MAST4: variants seen among roughly 807,000 people sequenced by gnomAD.
The protein encoded by MAST4 is microtubule-associated serine/threonine-protein kinase 4.
MAST4 carries 89 observed loss-of-function variants against 162.7 expected under a neutral mutation model. The observed-to-expected ratio is 0.55, with a 90% CI of 0.46 to 0.65. MAST4 has a LOEUF of 0.65. MAST4 is among the 30% of genes least tolerant of loss of function. The pLI is 0.00. For synonymous variants in MAST4, 1,479 were observed against 1,361.1 expected (o/e 1.09, Z -1.91); for missense variants, 3,153 against 3,374.0 (o/e 0.93, Z 1.62).
intron 3 of MAST4, among the ~76,000 whole-genome samples, chr5:66,897,663 G>A (rs1056213767): frequency 2.2e-4 from 34 of 152,170 alleles, no homozygotes; most frequent in African/African-American, 5.1e-4. Context: ...CTTGGTTAGC[G>A]TGGTAGCTTC....
At chr5:67,009,114 C>T (rs1752374889) in intron 4 of MAST4, among the ~76,000 whole-genome samples, 1 of 152,098 alleles carries the variant, frequency 6.6e-6, no homozygotes, top group South Asian at 2.1e-4. Context: ...TGTAGGCATG[C>T]TTTCAATGAA....
chr5:66,883,422 GTTTTTTTT>G (rs36071165), intron 3 of MAST4, among the ~76,000 whole-genome samples: 115 of 97,258 alleles, frequency 1.2e-3, no homozygotes, highest in African/African-American at 4.4e-3. Context: ...TTCTGTCACT[GTTTTTTTT>G]TTTTTTTTTT....
chr5:66,674,935 G>A (rs1409466055), intron 1 of MAST4, among the ~76,000 whole-genome samples: 1 of 152,212 alleles, frequency 6.6e-6, no homozygotes, highest in Admixed American at 6.5e-5. Flanking sequence ...GCCACTCTCA[G>A]AAAATGGCAG....
chr5:67,047,474 A>C (rs1272761548), intron 4 of MAST4, among the ~76,000 whole-genome samples: 1 of 152,134 alleles, frequency 6.6e-6, no homozygotes, highest in African/African-American at 2.4e-5. Context: ...TCACCTCCCC[A>C]GTGAGGCCTT....
At position 67,136,598 on chromosome 5, in the gene MAST4, C is replaced by G; in HGVS notation, c.2428C>G (p.Pro810Ala). ...CTGGCCTGAGAAGGATGAGGCACCC[C>G]CACCTGATGCCCAGGATCTGATTAC... Reference protein sequence around the residue: ...INWPEKDEAPPPDAQDLITLL... With the variant: ...INWPEKDEAPAPDAQDLITLL... Residue 810 changes from proline (P) to alanine (A), a missense_variant, in exon 19 of 29, where the codon CCA becomes GCA. This residue lies in a region of MAST4 where 62 missense variants were observed against 63.1 expected (regional missense o/e 0.98). Coordinates refer to ENST00000403625, the MANE Select transcript of MAST4 (RefSeq NM_001164664.2). 4 of 1,606,808 alleles carry G rather than the reference C, an allele frequency of 2.5e-6. No individual in the cohort carries two copies. The highest frequency in any genetic ancestry group is 3.4e-6 in the Non-Finnish European group (4 of 1,176,580).
chr5:67,102,627 G>T lies in MAST4; in HGVS notation c.1146+16G>T, dbSNP rs776415677. ...GTTCCCAAAGGTAATGAATTGAATTGAAGATGCCTAGCATCTAAACGAACA... is the reference window on the plus strand; with the variant it reads ...GTTCCCAAAGGTAATGAATTGAATTTAAGATGCCTAGCATCTAAACGAACA... On this transcript the variant is annotated intron_variant, in intron 9 of 28. Transcript: ENST00000403625. The T allele has an allele frequency of 4.9e-5, 78 of 1,597,750 alleles. No individual in the cohort carries two copies. Among genetic ancestry groups the T allele is most frequent in the Middle Eastern group, 3.3e-4 (2 of 6,064 alleles).
At chr5:66,718,481 G>A (rs1229801168) in intron 1 of MAST4, among the ~76,000 whole-genome samples, 1 of 152,070 alleles carries the variant, frequency 6.6e-6, no homozygotes, top group Admixed American at 6.5e-5. Context: ...AGTGTGCTTG[G>A]CCCCGTGTGT....
rs1332979081 is a variant in MAST4, at chr5:67,164,925, A to T, written c.5746A>T (p.Ser1916Cys). 6.2e-7 allele frequency: 1 copy of T among 1,613,994 alleles called. No homozygotes were observed. The highest frequency in any genetic ancestry group is 1.1e-5 in the South Asian group (1 of 91,086). The stretch of plus-strand genomic sequence containing the variant: ...CAGGAGCCCTGGAACAGTCATGGAA[A>T]GCAATCCCCAACAGAGAGAGGGCAG... ...TARSPGTVME[S>C]NPQQREGSSP... The change falls in exon 29 of 29, where the codon AGC becomes TGC. Residue 1916 changes from serine (S) to cysteine (C), a missense_variant. Physicochemically the swap from Ser to Cys is moderately radical, Grantham distance 112 (BLOSUM62 -1). Around this residue, in one of 7 missense-constraint regions of MAST4, gnomAD observed 1,644 missense variants for 1,495.0 expected, o/e 1.10. Coordinates refer to ENST00000403625, the MANE Select transcript of MAST4 (RefSeq NM_001164664.2). The surrounding 1 kb of genome is among the most constrained non-coding windows in gnomAD (Gnocchi z 5.3).
At chr5:67,003,413 AAAG>A (rs1454706928) in intron 4 of MAST4, among the ~76,000 whole-genome samples, 5 of 152,122 alleles carry the variant, frequency 3.3e-5, no homozygotes, top group Non-Finnish European at 5.9e-5. Flanking sequence ...AGAATTAGAT[AAAG>A]AAGATCCCAC....
chr5:67,142,622 C>T lies in MAST4; in HGVS notation c.2730+89C>T, dbSNP rs1383245004. 8 of 889,736 alleles carry T rather than the reference C, an allele frequency of 9.0e-6. No individual in the cohort carries two copies. In the East Asian group the frequency reaches 1.6e-4, roughly 18 times the overall value. 55.1% of individuals were successfully genotyped at this position (889,736 alleles called of 1,614,324 possible). A position where few individuals can be genotyped will look rare whatever the true frequency, so the allele number is the denominator to read the frequency against. On this transcript the variant is annotated intron_variant, in intron 21 of 28. Coordinates refer to ENST00000403625, the MANE Select transcript of MAST4 (RefSeq NM_001164664.2). ...TATCCCCGAACAGCTGGACACTTAC[C>T]GTTTTCCAGGGTTTGAGGTCTCCTA...
intron 4 of MAST4, among the ~76,000 whole-genome samples, chr5:67,002,977 T>C (rs1435211451): frequency 6.7e-6 from 1 of 149,890 alleles, no homozygotes; most frequent in Non-Finnish European, 1.5e-5. Flanking sequence ...GTCAGCAATG[T>C]TGCTAAACAT....
At position 66,609,691 on chromosome 5, in the gene MAST4, G is replaced by GT. The variant is rs796660631; in HGVS notation, c.363+12686dup. On this transcript the variant is annotated intron_variant, in intron 1 of 28. Transcript: ENST00000403625. Reference sequence around the variant, plus strand: ...AGTAAGCCACCATGCCCAGCCTGGTGTTTTTTTTTTTTTGTTTTTTTTTTT... The same window carrying GT: ...AGTAAGCCACCATGCCCAGCCTGGTGTTTTTTTTTTTTTTGTTTTTTTTTTT... Among the ~76,000 whole-genome samples the GT allele has an allele frequency of 3.5e-3, 416 of 117,392 alleles. 2 individuals carry two copies. Among genetic ancestry groups the GT allele is most frequent in the Middle Eastern group, 9.2e-3 (2 of 218 alleles). The allele number at this position is 117,392 out of a possible 152,430, so 77.0% of individuals were successfully genotyped here.
intron 4 of MAST4, chr5:66,917,055 C>T (rs1764161638): frequency 1.4e-6 from 1 of 717,376 alleles, no homozygotes; most frequent in Non-Finnish European, 2.6e-6. Context: ...TATCACTTTA[C>T]CCAAAAGAAT....
chr5:66,880,321 C>T (rs1580747696), intron 3 of MAST4, among the ~76,000 whole-genome samples: 2 of 152,318 alleles, frequency 1.3e-5, no homozygotes, highest in East Asian at 3.9e-4. Context: ...AACAGTGGTT[C>T]TCTCTGGGAG....
intron 23 of MAST4, among the ~76,000 whole-genome samples, chr5:67,145,688 G>C (rs896394070): frequency 1.3e-5 from 2 of 152,186 alleles, no homozygotes; most frequent in African/African-American, 4.8e-5. Context: ...TGCTAAGGGA[G>C]CGTGTTCTCA....
chr5:66,664,154 G>A (rs1747088010), intron 1 of MAST4, among the ~76,000 whole-genome samples: 1 of 152,060 alleles, frequency 6.6e-6, no homozygotes, highest in African/African-American at 2.4e-5. Context: ...AGGAGTTTGA[G>A]GCTGGGTGTG....
chr5:67,128,384 G>A (rs1012129588), intron 14 of MAST4, among the ~76,000 whole-genome samples: 4 of 152,200 alleles, frequency 2.6e-5, no homozygotes, highest in South Asian at 4.2e-4. Flanking sequence ...TAGATCATTC[G>A]GTGCATTGAT....
intron 1 of MAST4, among the ~76,000 whole-genome samples, chr5:66,693,357 A>C (rs1381179244): frequency 6.6e-6 from 1 of 152,244 alleles, no homozygotes. Flanking sequence ...TTATAGGTAC[A>C]ACAAAAGCTG....
intron 1 of MAST4, among the ~76,000 whole-genome samples, chr5:66,635,398 C>G (rs951998028): frequency 6.6e-6 from 1 of 152,194 alleles, no homozygotes; most frequent in African/African-American, 2.4e-5. Context: ...GCTCGTCACG[C>G]TAATGACTAG....
Sources: allele counts gnomAD v4.1 joint callset (sites outside exome capture counted in the v4.1 genomes callset), GRCh38; gene constraint gnomAD v4.1.1; regional missense constraint gnomAD v4.1.1; non-coding constraint Gnocchi (gnomAD v3.1); transcripts MANE v1.5; gene names NCBI Gene and HGNC (gene_info 2026-07-23, HGNC 2026-07-21).